TMEM178B: variants seen among roughly 807,000 people sequenced by gnomAD.
The protein encoded by TMEM178B is transmembrane protein 178B.
TMEM178B carries 5 observed loss-of-function variants against 31.0 expected under a neutral mutation model. The observed-to-expected ratio is 0.16, with a 90% CI of 0.08 to 0.34. The LOEUF (loss-of-function observed/expected upper bound fraction) is 0.34. TMEM178B is among the 10% of genes least tolerant of loss of function. The probability of loss-of-function intolerance (pLI) is 1.00; values close to 1 mark genes in which losing one functional copy is unlikely to be tolerated. For missense variants in TMEM178B, 275 were observed against 400.3 expected (o/e 0.69, Z 2.67); for synonymous variants, 164 against 164.0 (o/e 1.00, Z 0.00).
chr7:141,183,629 C>T (rs972611054), intron 1 of TMEM178B, among the ~76,000 whole-genome samples: 2 of 152,226 alleles, frequency 1.3e-5, no homozygotes, highest in African/African-American at 4.8e-5. Flanking sequence ...TCCTTCTTCT[C>T]ATCTTCCTCC....
chr7:141,181,801 C>T (rs1469933309), intron 1 of TMEM178B, among the ~76,000 whole-genome samples: 1 of 152,164 alleles, frequency 6.6e-6, no homozygotes, highest in African/African-American at 2.4e-5. Flanking sequence ...GGTAAGTCTT[C>T]CTCCTTGGGT....
In TMEM178B at chr7:141,210,785, C is replaced by T. The variant is rs148538697; in HGVS notation, c.383-1806C>T. Among the ~76,000 whole-genome samples, 107 of 152,146 alleles carry T rather than the reference C, an allele frequency of 7.0e-4. No individual in the cohort carries two copies. In the East Asian group the frequency reaches 7.3e-3, roughly 10 times the overall value. On this transcript the variant is annotated intron_variant, in intron 1 of 3. Transcript: ENST00000565468. ...GAGCCTTGGCGAGTCCCTCCTATCT[C>T]GTAAGTCCTTAAACAATGTGATTGT... is the stretch of plus-strand genomic sequence containing the variant.
chr7:141,467,047 C>T (rs192199904), intron 3 of TMEM178B, among the ~76,000 whole-genome samples: 3 of 152,206 alleles, frequency 2.0e-5, no homozygotes, highest in Admixed American at 2.0e-4. Context: ...CCTGCTTCCA[C>T]CCACCTGGAA....
At chr7:141,157,710 G>GC (rs1796096605) in intron 1 of TMEM178B, among the ~76,000 whole-genome samples, 1 of 152,160 alleles carries the variant, frequency 6.6e-6, no homozygotes, top group Non-Finnish European at 1.5e-5. Flanking sequence ...CTCACTCCTC[G>GC]CAGGTGACTG....
At chr7:141,308,775 AACCTGCCCG>A (rs1210178646) in intron 2 of TMEM178B, among the ~76,000 whole-genome samples, 1 of 152,174 alleles carries the variant, frequency 6.6e-6, no homozygotes, top group Non-Finnish European at 1.5e-5. Flanking sequence ...GAGGCTGTGC[AACCTGCCCG>A]ACGCTGGGCC....
At chr7:141,327,712 CT>C (rs1799218226) in intron 2 of TMEM178B, among the ~76,000 whole-genome samples, 1 of 152,134 alleles carries the variant, frequency 6.6e-6, no homozygotes, top group African/African-American at 2.4e-5. Context: ...CATAAAGGCT[CT>C]GTTCTTTTGA....
At chr7:141,493,790 G>T in the TMEM178B span, among the ~76,000 whole-genome samples, 1 of 151,986 alleles carries the variant, frequency 6.6e-6, no homozygotes, top group African/African-American at 2.4e-5. Context: ...TCCTTCACCT[G>T]GTCTTCTAGA....
intron 1 of TMEM178B, among the ~76,000 whole-genome samples, chr7:141,119,373 G>A (rs983558511): frequency 2.6e-5 from 4 of 152,180 alleles, no homozygotes; most frequent in Non-Finnish European, 5.9e-5. Flanking sequence ...AGGCTTGCAA[G>A]TGGAAGATGT....
At chr7:141,232,086 T>G (rs1797457015) in intron 2 of TMEM178B, among the ~76,000 whole-genome samples, 1 of 152,206 alleles carries the variant, frequency 6.6e-6, no homozygotes, top group Non-Finnish European at 1.5e-5. Flanking sequence ...TTGCAATAGT[T>G]TGCTGAGGAT....
chr7:141,136,058 C>A (rs893876441), intron 1 of TMEM178B, among the ~76,000 whole-genome samples: 1 of 151,760 alleles, frequency 6.6e-6, no homozygotes, highest in African/African-American at 2.4e-5. Context: ...ACAAAAGGCC[C>A]CAAATAGACA....
chr7:141,247,409 G>C (rs1170721949), intron 2 of TMEM178B, among the ~76,000 whole-genome samples: 1 of 152,062 alleles, frequency 6.6e-6, no homozygotes, highest in Non-Finnish European at 1.5e-5. Context: ...TTTTAGACTG[G>C]TTACCTCCCT....
At chr7:141,465,666 A>G (rs1403215649) in intron 3 of TMEM178B, among the ~76,000 whole-genome samples, 1 of 152,196 alleles carries the variant, frequency 6.6e-6, no homozygotes, top group African/African-American at 2.4e-5. Context: ...ATCTAAATCT[A>G]ATTATTAGTA....
At chr7:141,165,830 C>T (rs1796251605) in intron 1 of TMEM178B, among the ~76,000 whole-genome samples, 1 of 152,176 alleles carries the variant, frequency 6.6e-6, no homozygotes, top group African/African-American at 2.4e-5. Context: ...GATGTTTGCC[C>T]TGTAAAAATG....
intron 1 of TMEM178B, among the ~76,000 whole-genome samples, chr7:141,200,702 TA>T (rs936787910): frequency 2.6e-5 from 4 of 152,178 alleles, no homozygotes; most frequent in African/African-American, 9.6e-5. Context: ...GACATACTGA[TA>T]GGGGTGAACA....
At chr7:141,224,958 T>C (rs1368680725) in intron 2 of TMEM178B, among the ~76,000 whole-genome samples, 1 of 152,228 alleles carries the variant, frequency 6.6e-6, no homozygotes, top group Non-Finnish European at 1.5e-5. Context: ...GAGCAATCTC[T>C]AAAGGGATTG....
chr7:141,241,063 A>G lies in TMEM178B; in HGVS notation c.496+28359A>G, dbSNP rs185831771. Among the ~76,000 whole-genome samples, 109 of 148,242 alleles carry G rather than the reference A, an allele frequency of 7.4e-4. 1 individual carries two copies. The East Asian group carries it at 0.018, about 24-fold the overall frequency. ...CAAGCGTTTTTTTTTGTTCTGTTAC[A>G]TGGATGAATTCTGTAGTGGTGAACT... is the stretch of plus-strand genomic sequence containing the variant. On this transcript the variant is annotated intron_variant, in intron 2 of 3. Coordinates refer to ENST00000565468, the MANE Select transcript of TMEM178B (RefSeq NM_001195278.2).
At position 141,473,792 on chromosome 7, in the gene TMEM178B, C is replaced by G. The variant is rs1313200534; in HGVS notation, c.*3006C>G. The G allele has an allele frequency of 6.6e-6, 1 of 152,238 alleles. No individual in the cohort carries two copies. The highest frequency in any genetic ancestry group is 2.4e-5 in the African/African-American group (1 of 41,434). The allele number at this position is 152,238 out of a possible 1,614,324, so 9.4% of individuals were successfully genotyped here. A position where few individuals can be genotyped will look rare whatever the true frequency, so the allele number is the denominator to read the frequency against. ...CCCAGCCACATGACCAGGATAGAGG[C>G]CCCTTTCAGACGGCAAGTCCTGGCC... On this transcript the variant is annotated 3_prime_UTR_variant, in exon 4 of 4. Coordinates refer to ENST00000565468, the MANE Select transcript of TMEM178B (RefSeq NM_001195278.2).
chr7:141,315,731 C>T (rs954366768), intron 2 of TMEM178B, among the ~76,000 whole-genome samples: 4 of 152,100 alleles, frequency 2.6e-5, no homozygotes, highest in East Asian at 3.9e-4. Flanking sequence ...TCTTGTGTCC[C>T]GCTTATTACC....
rs1476644803 is a variant in TMEM178B, at chr7:141,422,239, C to T, written c.497-15369C>T. On this transcript the variant is annotated intron_variant, in intron 2 of 3. Transcript: ENST00000565468. This position sits in a 1 kb window ranked among gnomAD's most constrained non-coding sequence, Gnocchi z 4.2. ...TTGCCTGGTGTTATTGCTCTCCGGG[C>T]CCTCCATGTGGTGGGGCCCAAAGGC... Among the ~76,000 whole-genome samples, 1 of 152,206 alleles carries T rather than the reference C, an allele frequency of 6.6e-6. No individual in the cohort carries two copies. The highest frequency in any genetic ancestry group is 2.4e-5 in the African/African-American group (1 of 41,442).
Sources: gnomAD v4.1 joint callset for allele counts (sites outside exome capture counted in the v4.1 genomes callset) on GRCh38, gnomAD v4.1.1 for gene constraint, Gnocchi (gnomAD v3.1) non-coding constraint, MANE v1.5 for transcripts, NCBI Gene and HGNC (gene_info 2026-07-23, HGNC 2026-07-21) for gene names.